ABCA13: variants seen among roughly 807,000 people sequenced by gnomAD.
ABCA13 encodes the protein ATP binding cassette subfamily A member 13.
ABCA13 carries 476 observed loss-of-function variants against 478.7 expected under a neutral mutation model. That is an observed-to-expected ratio of 0.99 (90% CI 0.92 to 1.07). The LOEUF (loss-of-function observed/expected upper bound fraction) is 1.07, where lower values mean the gene tolerates loss of function less well. Ranked by LOEUF, ABCA13 falls within the 50% of genes least tolerant of loss-of-function variation. The pLI, the probability that ABCA13 is intolerant of heterozygous loss-of-function variation, is 0.00. For missense variants in ABCA13, 6,060 were observed against 5,910.6 expected (o/e 1.03, Z -0.83); for synonymous variants, 2,252 against 2,158.9 (o/e 1.04, Z -1.20).
chr7:48,287,964 C>T lies in ABCA13; in HGVS notation c.8841C>T (p.Asn2947=). ...TCTGTGTGTTTCCTCTGGCAGAAAA[C>T]CCTTCCTGGACCAAGGACATTTTGT... ...VVRVLTIVAE[N]PSWTKDILCA... is the part of the protein sequence containing the mutation. Residue 2947 remains asparagine, a synonymous_variant, in exon 20 of 62, where the codon AAC becomes AAT. Coordinates refer to ENST00000435803, the MANE Select transcript of ABCA13 (RefSeq NM_152701.5). 3 of 1,613,380 alleles carry T rather than the reference C, an allele frequency of 1.9e-6. No individual in the cohort carries two copies. The highest frequency in any genetic ancestry group is 2.5e-6 in the Non-Finnish European group (3 of 1,179,488).
rs768498807 is a variant in ABCA13, at chr7:48,274,938, C to T, written c.5272C>T (p.Gln1758Ter). ...GCTTCCTCATGCTGTAAGGCTCCTG[C>T]AGGGAGTACCTGGTAAAAACATCAC... ...YVLPHAVRLL[Q>*]GVPGKNITEG... The change falls in exon 17 of 62, where the codon CAG (glutamine) becomes TAG (stop). Residue 1758 changes from glutamine (Q) to a stop codon, truncating the protein, a stop_gained. Coordinates refer to ENST00000435803, the MANE Select transcript of ABCA13 (RefSeq NM_152701.5). LOFTEE classifies it high-confidence loss of function. 2 of 1,613,812 alleles carry T rather than the reference C, an allele frequency of 1.2e-6. No individual in the cohort carries two copies. The highest frequency in any genetic ancestry group is 1.6e-4 in the Middle Eastern group (1 of 6,062).
Position 48,372,211 on chromosome 7 carries a change from C to T in ABCA13, c.10847C>T (p.Ala3616Val). The T allele has an allele frequency of 6.2e-7, 1 of 1,613,810 alleles. No homozygotes were observed. Among genetic ancestry groups the T allele is most frequent in the Non-Finnish European group, 8.5e-7 (1 of 1,179,796 alleles). ...MGVHPVIHFL[A>V]WFLENMAVLT... The stretch of plus-strand genomic sequence containing the variant: ...GTGCATCCAGTGATCCATTTCCTGG[C>T]CTGGTTCCTGGAGAACATGGCTGTG... The change falls in exon 33 of 62, where the codon GCC (alanine) becomes GTC (valine). Residue 3616 changes from alanine (A) to valine (V), a missense_variant. By Grantham distance (64) the Ala-to-Val change is moderately conservative. This residue lies in a region of ABCA13 where 4,423 missense variants were observed against 4,309.1 expected (regional missense o/e 1.03). Transcript: ENST00000435803.
chr7:48,186,009 T>C (rs1225681408), intron 1 of ABCA13, among the ~76,000 whole-genome samples: 2 of 152,018 alleles, frequency 1.3e-5, no homozygotes, highest in African/African-American at 4.8e-5. Flanking sequence ...AAGTCTTCTT[T>C]GTTTGATATT....
chr7:48,455,162 C>G lies in ABCA13; in HGVS notation c.12691C>G (p.Leu4231Val). 6.3e-7 allele frequency: 1 copy of G among 1,584,584 alleles called. No individual in the cohort carries two copies. Among genetic ancestry groups the G allele is most frequent in the Non-Finnish European group, 8.6e-7 (1 of 1,165,748 alleles). The change falls in exon 43 of 62, where the codon CTG becomes GTG. Residue 4231 changes from leucine (L) to valine (V), a missense_variant. Coordinates refer to ENST00000435803, the MANE Select transcript of ABCA13 (RefSeq NM_152701.5). Reference protein sequence around the residue: ...RAGKSTLADLLLPVLFVALAM... With the variant: ...RAGKSTLADLVLPVLFVALAM... The stretch of plus-strand genomic sequence containing the variant: ...CGGGAAGAGCACCCTCGCCGACCTG[C>G]TGCTGCCAGTCCTCTTCGTGGCCTT...
chr7:48,587,274 G>C lies in ABCA13; in HGVS notation c.14626G>C (p.Asp4876His). 6.2e-7 allele frequency: 1 copy of C among 1,607,492 alleles called. No individual in the cohort carries two copies. The change falls in exon 57 of 62, where the codon GAC (aspartate) becomes CAC (histidine). Residue 4876 changes from aspartate (D) to histidine (H), a missense_variant. Physicochemically the swap from Asp to His is moderately conservative, Grantham distance 81. Around this residue, in one of 3 missense-constraint regions of ABCA13, gnomAD observed 1,627 missense variants for 1,571.0 expected, o/e 1.04. Coordinates refer to ENST00000435803, the MANE Select transcript of ABCA13 (RefSeq NM_152701.5). ...STALALVGKP[D>H]ILLLDEPSSG... ...AGCCCTGGCCCTGGTGGGGAAACCT[G>C]ACATTCTTTTATTGGTGAGTAGAAG... is the stretch of plus-strand genomic sequence containing the variant.
intron 55 of ABCA13, among the ~76,000 whole-genome samples, chr7:48,533,675 A>T (rs1833387943): frequency 6.6e-6 from 1 of 151,722 alleles, no homozygotes; most frequent in Non-Finnish European, 1.5e-5. Context: ...TAGGAGCTCC[A>T]TTGTTAGGTG....
At chr7:48,529,387 CTG>C (rs1454842957) in intron 55 of ABCA13, among the ~76,000 whole-genome samples, 2 of 152,156 alleles carry the variant, frequency 1.3e-5, no homozygotes, top group African/African-American at 4.8e-5. Context: ...TTTTTCAGCA[CTG>C]TGTTACAAGG....
chr7:48,419,622 A>C (rs1460648772), intron 41 of ABCA13, among the ~76,000 whole-genome samples: 1 of 152,200 alleles, frequency 6.6e-6, no homozygotes, highest in Non-Finnish European at 1.5e-5. Context: ...AGAACTCCTC[A>C]TTAGTCAGTG....
At chr7:48,601,896 C>T (rs1416726813) in intron 58 of ABCA13, among the ~76,000 whole-genome samples, 1 of 152,178 alleles carries the variant, frequency 6.6e-6, no homozygotes, top group Non-Finnish European at 1.5e-5. Flanking sequence ...TGTTTTCTGA[C>T]TTTTTAATGA....
At chr7:48,266,823 A>G (rs1331396861) in intron 15 of ABCA13, among the ~76,000 whole-genome samples, 1 of 151,888 alleles carries the variant, frequency 6.6e-6, no homozygotes, top group African/African-American at 2.4e-5. Context: ...GTTTAATGGT[A>G]TACATTTTCC....
chr7:48,200,649 G>A (rs1798551127), intron 3 of ABCA13, among the ~76,000 whole-genome samples: 1 of 152,138 alleles, frequency 6.6e-6, no homozygotes, highest in Admixed American at 6.5e-5. Flanking sequence ...AATAGGGAAA[G>A]GAAATTGTAA....
intron 3 of ABCA13, among the ~76,000 whole-genome samples, chr7:48,214,968 G>C (rs906140809): frequency 2.6e-5 from 4 of 152,092 alleles, no homozygotes; most frequent in Non-Finnish European, 5.9e-5. Flanking sequence ...AAAAGTCCTA[G>C]CTTTCAGCCC....
intron 45 of ABCA13, 78 bp from the exon 46 acceptor site, chr7:48,480,958 G>A (rs1164968999): frequency 3.5e-6 from 3 of 856,324 alleles, no homozygotes; most frequent in Non-Finnish European, 5.8e-6. Flanking sequence ...ACAATCACAT[G>A]TAGTTTCAAG....
intron 47 of ABCA13, among the ~76,000 whole-genome samples, chr7:48,488,402 G>A (rs1829541088): frequency 6.6e-6 from 1 of 152,062 alleles, no homozygotes; most frequent in African/African-American, 2.4e-5. Context: ...AAGTTGGAAG[G>A]GATTTGAGAT....
chr7:48,260,679 T>C (rs1024814086), intron 15 of ABCA13, among the ~76,000 whole-genome samples: 1 of 152,028 alleles, frequency 6.6e-6, no homozygotes, highest in Non-Finnish European at 1.5e-5. Context: ...AATATTAATA[T>C]GGTAAAAACG....
At chr7:48,548,639 G>A (rs1443206890) in intron 55 of ABCA13, among the ~76,000 whole-genome samples, 2 of 150,968 alleles carry the variant, frequency 1.3e-5, no homozygotes, top group African/African-American at 4.9e-5. Context: ...TTCACATGTC[G>A]ACTTCCAATC....
At chr7:48,381,574 C>T (rs557554496) in intron 35 of ABCA13, among the ~76,000 whole-genome samples, 4 of 152,226 alleles carry the variant, frequency 2.6e-5, no homozygotes, top group South Asian at 2.1e-4. Flanking sequence ...CAGGTCTCCA[C>T]GCTCGAGTCA....
intron 48 of ABCA13, among the ~76,000 whole-genome samples, chr7:48,498,471 C>T (rs1031167991): frequency 1.3e-5 from 2 of 152,046 alleles, no homozygotes; most frequent in Non-Finnish European, 2.9e-5. Flanking sequence ...TGTTTGCACC[C>T]CAGAATCTTC....
At chr7:48,329,448 G>A (rs749348758) in intron 27 of ABCA13, among the ~76,000 whole-genome samples, 4 of 152,208 alleles carry the variant, frequency 2.6e-5, no homozygotes, top group Non-Finnish European at 4.4e-5. Context: ...GGGGCTGGCT[G>A]TGTGCCCTCT....
Sources: gnomAD v4.1 joint callset for allele counts (sites outside exome capture counted in the v4.1 genomes callset) on GRCh38, gnomAD v4.1.1 for gene constraint, gnomAD v4.1.1 regional missense constraint, MANE v1.5 for transcripts, NCBI Gene and HGNC (gene_info 2026-07-23, HGNC 2026-07-21) for gene names.